The following ELOVL7 variants were observed in gnomAD, a reference collection of about 807,000 sequenced individuals.
ELOVL7 encodes the protein very long chain fatty acid elongase 7.
A neutral mutation model predicts 35.7 loss-of-function variants in ELOVL7; 27 were observed. That is an observed-to-expected ratio of 0.76 (90% CI 0.56 to 1.04). The LOEUF is 1.04. Among genes scored for constraint, ELOVL7 ranks in the 50% least tolerant of loss-of-function variants. The pLI is 0.00. For synonymous variants in ELOVL7, 113 were observed against 114.6 expected, an observed-to-expected ratio of 0.99 and a Z score of 0.09; for missense variants, 327 against 340.8, an observed-to-expected ratio of 0.96 and a Z score of 0.32.
chr5:60,758,247 G>A (rs1741667643), intron 7 of ELOVL7, among the ~76,000 whole-genome samples: 1 of 152,072 alleles, frequency 6.6e-6, no homozygotes, highest in Admixed American at 6.6e-5. Context: ...TACATATATT[G>A]GTAGTTTGTG....
intron 1 of ELOVL7, among the ~76,000 whole-genome samples, chr5:60,817,386 G>T (rs1055543301): frequency 5.9e-5 from 9 of 151,592 alleles, no homozygotes; most frequent in African/African-American, 2.2e-4. Context: ...TTAAATTAGA[G>T]TGAAATATCA....
At chr5:60,829,525 T>C (rs3910825) in intron 1 of ELOVL7, among the ~76,000 whole-genome samples, 1 of 152,296 alleles carries the variant, frequency 6.6e-6, no homozygotes, top group South Asian at 2.1e-4. Context: ...ATCTTTTATA[T>C]TTACCATGAA....
chr5:60,766,979 C>A (rs1318792283), intron 5 of ELOVL7, among the ~76,000 whole-genome samples: 1 of 152,234 alleles, frequency 6.6e-6, no homozygotes, highest in African/African-American at 2.4e-5. Flanking sequence ...CTAATTATTT[C>A]ACTTAGCATA....
At chr5:60,793,369 G>A (rs537630231) in intron 2 of ELOVL7, among the ~76,000 whole-genome samples, 18 of 152,252 alleles carry the variant, frequency 1.2e-4, no homozygotes, top group African/African-American at 4.3e-4. Context: ...AGACTGAACT[G>A]CAGCATCTTC....
intron 1 of ELOVL7, among the ~76,000 whole-genome samples, chr5:60,823,245 G>A (rs1009011712): frequency 3.3e-5 from 5 of 152,104 alleles, no homozygotes; most frequent in African/African-American, 1.2e-4. Context: ...TGGAGCAAGG[G>A]TGATACCTCC....
chr5:60,817,561 G>A (rs1745583347), intron 1 of ELOVL7, among the ~76,000 whole-genome samples: 1 of 147,944 alleles, frequency 6.8e-6, no homozygotes, highest in African/African-American at 2.5e-5. Flanking sequence ...TGGTGTGTGT[G>A]TGTATATATA....
At chr5:60,764,946 T>C (rs1016066985) in intron 6 of ELOVL7, among the ~76,000 whole-genome samples, 3 of 152,198 alleles carry the variant, frequency 2.0e-5, no homozygotes, top group African/African-American at 7.2e-5. Flanking sequence ...GTAAAAACCC[T>C]GTCAACAAAA....
chr5:60,792,026 A>T (rs1169018936), intron 2 of ELOVL7, among the ~76,000 whole-genome samples: 1 of 152,184 alleles, frequency 6.6e-6, no homozygotes, highest in East Asian at 1.9e-4. Context: ...ATTCACAGGC[A>T]GCCAAGAAAG....
chr5:60,826,701 G>A (rs1395911775), intron 1 of ELOVL7, among the ~76,000 whole-genome samples: 1 of 152,056 alleles, frequency 6.6e-6, no homozygotes, highest in Non-Finnish European at 1.5e-5. Context: ...CTATGGGATG[G>A]GAAATGAGAA....
At chr5:60,831,791 G>T (rs761885245) in intron 1 of ELOVL7, among the ~76,000 whole-genome samples, 14 of 152,032 alleles carry the variant, frequency 9.2e-5, no homozygotes, top group Non-Finnish European at 2.1e-4. Flanking sequence ...TGCTTTTAAA[G>T]AAGCAAAAAA....
Position 60,754,277 on chromosome 5 carries a change from A to T in ELOVL7, c.*347T>A, listed in dbSNP as rs1305765464. 1 of 205,574 alleles carries T rather than the reference A, an allele frequency of 4.9e-6. No individual in the cohort carries two copies. Among genetic ancestry groups the T allele is most frequent in the Non-Finnish European group, 1.0e-5 (1 of 100,478 alleles). 12.7% of individuals were successfully genotyped at this position (205,574 alleles called of 1,614,324 possible). The stretch of plus-strand genomic sequence containing the variant: ...TCTCCGTCTGTGCTCAAAATACCTA[A>T]TGATATTTTTCATCTTTATTGGACT... On this transcript the variant is annotated 3_prime_UTR_variant, in exon 9 of 9. Coordinates refer to ENST00000508821, the MANE Select transcript of ELOVL7 (RefSeq NM_024930.3).
At chr5:60,802,430 C>T (rs750568359) in intron 1 of ELOVL7, among the ~76,000 whole-genome samples, 2 of 152,016 alleles carry the variant, frequency 1.3e-5, no homozygotes, top group African/African-American at 2.4e-5. Context: ...GAGCAACAGG[C>T]ATAAAATACA....
At chr5:60,810,138 C>T (rs1426507013) in intron 1 of ELOVL7, among the ~76,000 whole-genome samples, 1 of 152,184 alleles carries the variant, frequency 6.6e-6, no homozygotes, top group African/African-American at 2.4e-5. Flanking sequence ...GGCTTGTTAA[C>T]ACAAATGAAT....
intron 1 of ELOVL7, among the ~76,000 whole-genome samples, chr5:60,803,047 C>G (rs1744734962): frequency 6.6e-6 from 1 of 152,182 alleles, no homozygotes; most frequent in Non-Finnish European, 1.5e-5. Flanking sequence ...CTTTGTGTCT[C>G]TTTTTGGGAG....
chr5:60,809,678 G>A (rs1355438835), intron 1 of ELOVL7, among the ~76,000 whole-genome samples: 1 of 152,232 alleles, frequency 6.6e-6, no homozygotes, highest in Non-Finnish European at 1.5e-5. Flanking sequence ...AAGAGGAGAA[G>A]CTGAAATTGC....
At chr5:60,770,140 T>C (rs1415560703) in intron 4 of ELOVL7, among the ~76,000 whole-genome samples, 1 of 151,956 alleles carries the variant, frequency 6.6e-6, no homozygotes, top group East Asian at 1.9e-4. Context: ...CATAAGTAAC[T>C]CAAGTATTAG....
intron 1 of ELOVL7, among the ~76,000 whole-genome samples, chr5:60,806,411 G>A (rs1249260919): frequency 1.3e-5 from 2 of 152,146 alleles, no homozygotes; most frequent in Non-Finnish European, 2.9e-5. Flanking sequence ...GGCAATCATT[G>A]TCATGGGAGC....
chr5:60,819,279 TAATG>T (rs879601345), intron 1 of ELOVL7, among the ~76,000 whole-genome samples: 39 of 152,120 alleles, frequency 2.6e-4, no homozygotes, highest in Middle Eastern at 3.4e-3. Context: ...GTTTATGAAT[TAATG>T]AATGAATTAC....
At position 60,771,915 on chromosome 5, in the gene ELOVL7, A is replaced by G. The variant is rs147950900; in HGVS notation, c.243T>C (p.Tyr81=). Residue 81 remains tyrosine, a synonymous_variant, in exon 4 of 9, where the codon TAT becomes TAC. Transcript: ENST00000508821. ...TGAAGACACTTGCCTCATAACACAT[A>G]TACACAGAAAAGAGTACTATGAAAA... ...YNFFIVLFSV[Y]MCYEFVMSGW... is the part of the protein sequence containing the mutation. 1.3e-5 allele frequency: 21 copies of G among 1,609,890 alleles called. No homozygotes were observed. The African/African-American group carries it at 2.5e-4, about 19-fold the overall frequency.
Sources: gnomAD v4.1 joint callset for allele counts (sites outside exome capture counted in the v4.1 genomes callset) on GRCh38, gnomAD v4.1.1 for gene constraint, MANE v1.5 for transcripts, NCBI Gene and HGNC (gene_info 2026-07-23, HGNC 2026-07-21) for gene names.